BRCA1: variants seen among roughly 807,000 people sequenced by gnomAD.
BRCA1 encodes BRCA1 DNA repair associated, also known as breast cancer type 1 susceptibility protein.
BRCA1 carries 140 observed loss-of-function variants against 173.7 expected under a neutral mutation model. The ratio of observed to expected loss-of-function variants is 0.81; its 90% CI spans 0.70 to 0.93. BRCA1 has a LOEUF of 0.93. Ranked by LOEUF, BRCA1 falls within the 40% of genes least tolerant of loss-of-function variation. BRCA1 has a pLI of 0.00. For missense variants in BRCA1, 1,983 were observed against 2,172.5 expected (o/e 0.91, Z 1.73); for synonymous variants, 662 against 756.0 (o/e 0.88, Z 2.04).
chr17:43,135,881 TC>T (rs1445965719), intron 1 of BRCA1, among the ~76,000 whole-genome samples: 2 of 152,142 alleles, frequency 1.3e-5, no homozygotes, highest in Non-Finnish European at 2.9e-5. Flanking sequence ...CCGCCTCCCA[TC>T]CCCAGGCGCC....
At chr17:43,086,105 T>TACACACACAC (rs1385920078) in intron 11 of BRCA1, among the ~76,000 whole-genome samples, 2 of 94,110 alleles carry the variant, frequency 2.1e-5, no homozygotes, top group East Asian at 2.8e-4. Context: ...TTTTATCACA[T>TACACACACAC]ACATACACAC....
At chr17:43,067,975 T>C in intron 15 of BRCA1, among the ~76,000 whole-genome samples, 1 of 147,770 alleles carries the variant, frequency 6.8e-6, no homozygotes, top group East Asian at 2.0e-4. Flanking sequence ...ATTTAAAAAA[T>C]TCTAAGACAC....
intron 3 of BRCA1, among the ~76,000 whole-genome samples, chr17:43,112,330 C>T (rs974425790): frequency 2.0e-5 from 3 of 152,182 alleles, no homozygotes; most frequent in African/African-American, 7.2e-5. Context: ...TCGTGATCCG[C>T]CCACCTCAGC....
chr17:43,071,341 A>G, intron 14 of BRCA1, 103 bp from the exon 15 acceptor site: 1 of 1,319,338 alleles, frequency 7.6e-7, no homozygotes. Flanking sequence ...TTAGGTTAAG[A>G]GAAAAATGGG....
chr17:43,117,862 CAAGTGTTTATT>C (rs1447037228), intron 2 of BRCA1, among the ~76,000 whole-genome samples: 1 of 152,138 alleles, frequency 6.6e-6, no homozygotes, highest in Non-Finnish European at 1.5e-5. Flanking sequence ...ACTAATATAA[CAAGTGTTTATT>C]AAGTATCTAC....
rs758598971 is a variant in BRCA1, at chr17:43,093,877, C to T, written c.1654G>A (p.Gly552Ser). ...TCACCTTTTGTTTTATTCTCATGAC[C>T]ACTATTAGTAATATTCATCACTTGA... ...NGQVMNITNS[G>S]HENKTKGDSI... is the part of the protein sequence containing the mutation. The change falls in exon 10 of 23, where the codon GGT (glycine) becomes AGT (serine). Residue 552 changes from glycine to serine, a missense_variant. By Grantham distance (56) the Gly-to-Ser change is moderately conservative (BLOSUM62 0). Coordinates refer to ENST00000357654, the MANE Select transcript of BRCA1 (RefSeq NM_007294.4). 7 of 1,613,608 alleles carry T rather than the reference C, an allele frequency of 4.3e-6. No individual in the cohort carries two copies.
In BRCA1 at chr17:43,092,329, T is replaced by A; in HGVS notation, c.3202A>T (p.Ile1068Phe). 1 of 1,614,014 alleles carries A rather than the reference T, an allele frequency of 6.2e-7. No homozygotes were observed. Among genetic ancestry groups the A allele is most frequent in the South Asian group, 1.1e-5 (1 of 91,084 alleles). The change falls in exon 10 of 23, where the codon ATT becomes TTT. Residue 1068 changes from isoleucine (I) to phenylalanine (F), a missense_variant. Transcript: ENST00000357654. The part of the protein sequence containing the change: ...INEIGSSDEN[I>F]QAELGRNRGP... The stretch of plus-strand genomic sequence containing the variant: ...CTGTTTCTACCTAGTTCTGCTTGAA[T>A]GTTTTCATCACTGGAACCTATTTCA...
chr17:43,090,816 T>A, intron 11 of BRCA1, 128 bp downstream of exon 11: 1 of 922,574 alleles, frequency 1.1e-6, no homozygotes, highest in Admixed American at 2.0e-5. Flanking sequence ...AAGGAGACAA[T>A]GAACCACAAA....
intron 3 of BRCA1, among the ~76,000 whole-genome samples, chr17:43,113,659 G>A (rs1261662226): frequency 1.3e-5 from 2 of 151,892 alleles, no homozygotes; most frequent in African/African-American, 4.8e-5. Flanking sequence ...GAGCCACCGC[G>A]CCCGTCCTCT....
intron 1 of BRCA1, among the ~76,000 whole-genome samples, chr17:43,155,548 A>T (rs2056191600): frequency 1.3e-5 from 2 of 149,744 alleles, no homozygotes; most frequent in Non-Finnish European, 3.0e-5. Context: ...TTTTGGGGGG[A>T]GATGGAGTCT....
chr17:43,046,007 C>T (rs1279593281), intron 22 of BRCA1, among the ~76,000 whole-genome samples: 5 of 151,434 alleles, frequency 3.3e-5, no homozygotes, highest in South Asian at 4.2e-4. Context: ...ATTCAACCTC[C>T]GCCTCCTGGG....
intron 11 of BRCA1, among the ~76,000 whole-genome samples, chr17:43,085,325 A>C (rs2053187212): frequency 6.6e-6 from 1 of 151,808 alleles, no homozygotes; most frequent in Admixed American, 6.6e-5. Flanking sequence ...GTGCCACGGC[A>C]CTCCAGCCTG....
At chr17:43,129,367 C>G (rs1261349284), upstream of BRCA1, among the ~76,000 whole-genome samples, 1 of 152,210 alleles carries the variant, frequency 6.6e-6, no homozygotes, top group African/African-American at 2.4e-5. Flanking sequence ...AGTTGGCCCA[C>G]CAGCTGGAGG....
chr17:43,067,399 C>A (rs552502832), intron 16 of BRCA1: 15 of 435,388 alleles, frequency 3.4e-5, no homozygotes, highest in Non-Finnish European at 5.1e-5. Context: ...GGACTACAGG[C>A]GCACGCGACC....
At chr17:43,123,653 CATG>C (rs1265267742) in intron 2 of BRCA1, among the ~76,000 whole-genome samples, 1 of 152,142 alleles carries the variant, frequency 6.6e-6, no homozygotes, top group Non-Finnish European at 1.5e-5. Context: ...CGGCCTCATC[CATG>C]ATTTTATTTT....
At position 43,063,752 on chromosome 17, in the gene BRCA1, A is replaced by G. The variant is rs1246105456; in HGVS notation, c.5152+122T>C. 6.4e-6 allele frequency: 5 copies of G among 778,014 alleles called. No homozygotes were observed. The Admixed American group carries it at 1.1e-4, about 17-fold the overall frequency. The allele number at this position is 778,014 out of a possible 1,614,324, so 48.2% of individuals were successfully genotyped here. On this transcript the variant is annotated intron_variant, in intron 17 of 22. Transcript: ENST00000357654. ...AAGATAAAAGTAGTTTAGTATTACA[A>G]TTAAAGACCTTTTGGTAACTCAGAC...
chr17:43,143,053 T>G (rs1195855573), intron 1 of BRCA1, among the ~76,000 whole-genome samples: 1 of 149,808 alleles, frequency 6.7e-6, no homozygotes, highest in East Asian at 1.9e-4. Flanking sequence ...TGTATATATG[T>G]GTATATATAT....
chr17:43,102,733 G>GTCTA (rs754708958), intron 6 of BRCA1, among the ~76,000 whole-genome samples: 2 of 151,000 alleles, frequency 1.3e-5, no homozygotes, highest in Non-Finnish European at 2.9e-5. Context: ...GCTCACTGTA[G>GTCTA]TCTACATCTC....
intron 1 of BRCA1, among the ~76,000 whole-genome samples, chr17:43,130,893 A>G (rs2055959296): frequency 6.6e-6 from 1 of 152,148 alleles, no homozygotes; most frequent in Non-Finnish European, 1.5e-5. Flanking sequence ...CATTGCTTTC[A>G]ATTTGCATTG....
Sources: gnomAD v4.1 joint callset for allele counts (sites outside exome capture counted in the v4.1 genomes callset) on GRCh38, gnomAD v4.1.1 for gene constraint, MANE v1.5 for transcripts, NCBI Gene and HGNC (gene_info 2026-07-23, HGNC 2026-07-21) for gene names.